Variants in CBLB observed in about 807,000 individuals in gnomAD.
The protein encoded by CBLB is Cbl proto-oncogene B.
In CBLB, 31 loss-of-function variants were observed where a neutral mutation model predicts 104.9. The observed-to-expected ratio is 0.30, with a 90% confidence interval of 0.22 to 0.40. CBLB has a LOEUF of 0.40. Ranked by LOEUF, CBLB falls within the 10% of genes least tolerant of loss-of-function variation. The pLI, the probability that CBLB is intolerant of heterozygous loss-of-function variation, is 1.00. For missense variants in CBLB, 1,062 were observed against 1,214.6 expected (o/e 0.87, Z 1.87); for synonymous variants, 440 against 422.6 (o/e 1.04, Z -0.51).
intron 2 of CBLB, among the ~76,000 whole-genome samples, chr3:105,865,880 A>G (rs1165743881): frequency 6.6e-6 from 1 of 152,160 alleles, no homozygotes; most frequent in Admixed American, 6.5e-5. Context: ...TCTTACCCCA[A>G]CTAATGATTT....
rs2063409757 is a variant in CBLB at position 105,657,245 on chromosome 3, A to G, written c.*1725T>C. 4.5e-6 allele frequency: 1 copy of G among 220,622 alleles called. No homozygotes were observed. The highest frequency in any genetic ancestry group is 5.8e-5 in the Admixed American group (1 of 17,326). The allele number at this position is 220,622 out of a possible 1,614,324, so 13.7% of individuals were successfully genotyped here. ...TATAACATTAATTTCCACCAGATCT[A>G]CTAGATGTTCAGTCATGTCCTTTCA... is the stretch of plus-strand genomic sequence containing the variant. On this transcript the variant is annotated 3_prime_UTR_variant, in exon 19 of 19. Coordinates refer to ENST00000394030, the MANE Select transcript of CBLB (RefSeq NM_170662.5).
chr3:105,676,272 A>AT (rs1299841382), intron 17 of CBLB, among the ~76,000 whole-genome samples: 3 of 152,094 alleles, frequency 2.0e-5, no homozygotes, highest in East Asian at 3.9e-4. Flanking sequence ...TAAACTAGTA[A>AT]TTTTTTTTAG....
chr3:105,757,131 C>A (rs1289676071), intron 4 of CBLB, among the ~76,000 whole-genome samples: 1 of 152,118 alleles, frequency 6.6e-6, no homozygotes, highest in African/African-American at 2.4e-5. Flanking sequence ...TAACCAAGGG[C>A]CCAATAAACC....
chr3:105,684,574 A>G (rs983522473), intron 14 of CBLB, among the ~76,000 whole-genome samples: 50 of 148,886 alleles, frequency 3.4e-4, no homozygotes, highest in African/African-American at 1.1e-3. Context: ...TTTTTTTGAG[A>G]TGGTGTCTCG....
intron 3 of CBLB, among the ~76,000 whole-genome samples, chr3:105,828,607 C>T (rs561600228): frequency 2.8e-4 from 43 of 152,178 alleles, no homozygotes; most frequent in African/African-American, 4.8e-4. Flanking sequence ...TAGTTCCACA[C>T]ATTTTTTTAG....
chr3:105,659,336 T>C (rs1392812470), intron 18 of CBLB, 107 bp from the exon 19 acceptor site: 2 of 1,204,772 alleles, frequency 1.7e-6, no homozygotes, highest in African/African-American at 1.5e-5. Flanking sequence ...TATTTCTTGT[T>C]TTCTTTACAA....
chr3:105,859,738 T>G (rs1171244666), intron 2 of CBLB, among the ~76,000 whole-genome samples: 1 of 151,362 alleles, frequency 6.6e-6, no homozygotes, highest in Admixed American at 6.6e-5. Flanking sequence ...TACAGTGACC[T>G]AAAGTATATA....
intron 5 of CBLB, among the ~76,000 whole-genome samples, chr3:105,750,222 C>T (rs937714592): frequency 1.3e-5 from 2 of 151,902 alleles, no homozygotes; most frequent in African/African-American, 4.8e-5. Flanking sequence ...GTTTCACATC[C>T]TATATGTACT....
chr3:105,822,091 CTTATA>C (rs768835614), intron 3 of CBLB, among the ~76,000 whole-genome samples: 20 of 152,074 alleles, frequency 1.3e-4, no homozygotes, highest in Middle Eastern at 6.8e-3. Context: ...TTATAAATAA[CTTATA>C]TTATTATTTA....
rs2066321222 is a variant in CBLB, at chr3:105,681,571, G to A, written c.2336C>T (p.Pro779Leu). The A allele has an allele frequency of 1.2e-6, 2 of 1,613,980 alleles. No homozygotes were observed. Among genetic ancestry groups the A allele is most frequent in the African/African-American group, 2.7e-5 (2 of 75,020 alleles). The change falls in exon 16 of 19, where the codon CCA (proline) becomes CTA (leucine). Residue 779 changes from proline to leucine, a missense_variant. Pro to Leu is a moderately conservative substitution (Grantham distance 98). Coordinates refer to ENST00000394030, the MANE Select transcript of CBLB (RefSeq NM_170662.5). ...GTCCCGAGTTGGAGGCCTGGCAGGTGGTAATGGCACGGGATCAGAGGCTGA... is the reference window on the plus strand; with the variant it reads ...GTCCCGAGTTGGAGGCCTGGCAGGTAGTAATGGCACGGGATCAGAGGCTGA... ...FDSASDPVPL[P>L]PARPPTRDNP... is the part of the protein sequence containing the mutation.
intron 5 of CBLB, among the ~76,000 whole-genome samples, chr3:105,748,838 C>A (rs1488353052): frequency 6.6e-6 from 1 of 152,112 alleles, no homozygotes; most frequent in Non-Finnish European, 1.5e-5. Flanking sequence ...CTGGCTCCTT[C>A]TTCTGCTAGT....
intron 4 of CBLB, among the ~76,000 whole-genome samples, chr3:105,751,975 T>C (rs1163007648): frequency 6.6e-6 from 1 of 152,208 alleles, no homozygotes; most frequent in Non-Finnish European, 1.5e-5. Flanking sequence ...CAAGATTTAA[T>C]TCTCATTTTC....
chr3:105,786,401 C>T (rs1189340113), intron 3 of CBLB, among the ~76,000 whole-genome samples: 4 of 152,144 alleles, frequency 2.6e-5, no homozygotes, highest in Admixed American at 6.5e-5. Context: ...TCCAGACTCA[C>T]TGCAATGTCT....
intron 3 of CBLB, among the ~76,000 whole-genome samples, chr3:105,828,702 G>C (rs2086969010): frequency 6.6e-6 from 1 of 152,018 alleles, no homozygotes; most frequent in African/African-American, 2.4e-5. Context: ...ATCTTTCCTT[G>C]AGTCATATAT....
intron 3 of CBLB, among the ~76,000 whole-genome samples, chr3:105,787,293 TC>T (rs756443532): frequency 2.0e-5 from 3 of 152,208 alleles, no homozygotes; most frequent in Non-Finnish European, 4.4e-5. Context: ...GGTTTACATT[TC>T]TAATAACAAG....
intron 6 of CBLB, 52 bp from the exon 7 acceptor site, chr3:105,740,683 A>G: frequency 6.8e-7 from 1 of 1,478,688 alleles, no homozygotes; most frequent in East Asian, 2.3e-5. Context: ...ATAAATCAAT[A>G]CTAAACAATT....
intron 9 of CBLB, among the ~76,000 whole-genome samples, chr3:105,721,109 G>A (rs550461474): frequency 1.3e-5 from 2 of 152,212 alleles, no homozygotes; most frequent in South Asian, 2.1e-4. Flanking sequence ...TTCTCCACCC[G>A]ATTTTTGGTT....
intron 12 of CBLB, among the ~76,000 whole-genome samples, chr3:105,699,680 G>C (rs2068827473): frequency 6.6e-6 from 1 of 151,992 alleles, no homozygotes; most frequent in Admixed American, 6.6e-5. Flanking sequence ...TCTAAGTTCT[G>C]GTATGCCCTA....
chr3:105,740,884 A>C (rs2152879323), intron 6 of CBLB, among the ~76,000 whole-genome samples: 1 of 152,302 alleles, frequency 6.6e-6, no homozygotes, highest in South Asian at 2.1e-4. Flanking sequence ...CAAGATTGTA[A>C]ACTAGGGATT....
Sources: gnomAD v4.1 joint callset for allele counts (sites outside exome capture counted in the v4.1 genomes callset) on GRCh38, gnomAD v4.1.1 for gene constraint, MANE v1.5 for transcripts, NCBI Gene and HGNC (gene_info 2026-07-23, HGNC 2026-07-21) for gene names.